Variants in CYP39A1 observed in about 807,000 individuals in gnomAD.
CYP39A1 encodes the protein 24-hydroxycholesterol 7-alpha-hydroxylase.
A neutral mutation model predicts 58.1 loss-of-function variants in CYP39A1; 49 were observed. The ratio of observed to expected loss-of-function variants is 0.84; its 90% CI spans 0.67 to 1.07. The LOEUF is 1.07. Among genes scored for constraint, CYP39A1 ranks in the 50% least tolerant of loss-of-function variants. The pLI is 0.00. For missense variants in CYP39A1, 531 were observed against 539.4 expected (o/e 0.98, Z 0.16); for synonymous variants, 209 against 187.6 (o/e 1.11, Z -0.93).
At chr6:46,586,436 G>C (rs545678797) in intron 10 of CYP39A1, 53 of 973,004 alleles carry the variant, frequency 5.4e-5, no homozygotes, top group Middle Eastern at 5.3e-4. Context: ...GTCTTCCTCA[G>C]TGCTCTCTGA....
intron 5 of CYP39A1, 107 bp downstream of exon 5, chr6:46,636,282 A>G: frequency 1.3e-6 from 1 of 752,840 alleles, no homozygotes. Context: ...AGTGGTTGAC[A>G]CAAAAATGGT....
intron 10 of CYP39A1, among the ~76,000 whole-genome samples, chr6:46,563,824 C>T (rs1457504256): frequency 6.6e-6 from 1 of 152,106 alleles, no homozygotes; most frequent in Admixed American, 6.6e-5. Context: ...CAAGTAGACG[C>T]TCTGGGGAGG....
At chr6:46,618,797 C>A (rs1368776316) in intron 7 of CYP39A1, among the ~76,000 whole-genome samples, 1 of 151,790 alleles carries the variant, frequency 6.6e-6, no homozygotes, top group Non-Finnish European at 1.5e-5. Flanking sequence ...GAAAACCTTC[C>A]TGGCTGGGGA....
At chr6:46,587,419 T>C (rs970048717) in intron 9 of CYP39A1, among the ~76,000 whole-genome samples, 2 of 152,138 alleles carry the variant, frequency 1.3e-5, no homozygotes, top group African/African-American at 4.8e-5. Context: ...AACCACAGAA[T>C]TGACCTAAGA....
intron 7 of CYP39A1, among the ~76,000 whole-genome samples, chr6:46,616,072 C>T (rs1774526675): frequency 7.7e-6 from 1 of 129,764 alleles, no homozygotes; most frequent in Non-Finnish European, 1.6e-5. Flanking sequence ...TCTCTCTTTC[C>T]CTCCCTCCAT....
intron 11 of CYP39A1, among the ~76,000 whole-genome samples, chr6:46,552,232 G>A (rs1582276508): frequency 6.6e-6 from 1 of 152,088 alleles, no homozygotes. Flanking sequence ...GCAAAATTGT[G>A]ACATTCAACT....
chr6:46,569,046 T>G (rs1487784410), intron 10 of CYP39A1, among the ~76,000 whole-genome samples: 2 of 152,152 alleles, frequency 1.3e-5, no homozygotes, highest in African/African-American at 4.8e-5. Context: ...ATCTATGTCC[T>G]TAATTTCTAT....
intron 7 of CYP39A1, among the ~76,000 whole-genome samples, chr6:46,617,209 G>T (rs892900351): frequency 1.3e-5 from 2 of 152,038 alleles, no homozygotes; most frequent in South Asian, 2.1e-4. Context: ...CATATTTTTT[G>T]AATCAAAAAT....
intron 10 of CYP39A1, chr6:46,583,532 A>T (rs1772275684): frequency 2.0e-6 from 2 of 985,230 alleles, no homozygotes; most frequent in African/African-American, 3.5e-5. Flanking sequence ...TGCAAGCTAC[A>T]ATTTCTGAAG....
chr6:46,612,516 A>C (rs899484767), intron 7 of CYP39A1, among the ~76,000 whole-genome samples: 6 of 152,128 alleles, frequency 3.9e-5, no homozygotes, highest in African/African-American at 1.4e-4. Flanking sequence ...GATAAATGAG[A>C]AGTAGTTTGT....
intron 10 of CYP39A1, among the ~76,000 whole-genome samples, chr6:46,567,864 T>C (rs746632540): frequency 1.3e-5 from 2 of 152,138 alleles, no homozygotes; most frequent in African/African-American, 2.4e-5. Flanking sequence ...AGTTCACTGG[T>C]GCTGGCAGCA....
At chr6:46,580,435 A>G (rs1561962081) in intron 10 of CYP39A1, among the ~76,000 whole-genome samples, 2 of 152,324 alleles carry the variant, frequency 1.3e-5, no homozygotes, top group East Asian at 1.9e-4. Flanking sequence ...CATTCTGGAC[A>G]TAGGCCTTGC....
At chr6:46,591,785 C>T (rs1772852684) in intron 8 of CYP39A1, among the ~76,000 whole-genome samples, 1 of 151,906 alleles carries the variant, frequency 6.6e-6, no homozygotes. Context: ...TAATTTCTTC[C>T]CTTTACATTG....
intron 10 of CYP39A1, among the ~76,000 whole-genome samples, chr6:46,572,655 C>T (rs544741784): frequency 1.3e-5 from 2 of 152,156 alleles, no homozygotes; most frequent in African/African-American, 2.4e-5. Context: ...CTCTTTGGGT[C>T]GAACATGTTT....
chr6:46,585,163 A>G (rs1772393038), intron 10 of CYP39A1, among the ~76,000 whole-genome samples: 1 of 152,128 alleles, frequency 6.6e-6, no homozygotes, highest in African/African-American at 2.4e-5. Context: ...GTCATCATGG[A>G]AGGTAGTAAT....
chr6:46,631,337 T>C (rs968541417), intron 5 of CYP39A1, among the ~76,000 whole-genome samples: 1 of 152,164 alleles, frequency 6.6e-6, no homozygotes, highest in African/African-American at 2.4e-5. Flanking sequence ...ACAAGCTACT[T>C]TAATCTCTCT....
At chr6:46,564,794 T>C (rs1260738084) in intron 10 of CYP39A1, among the ~76,000 whole-genome samples, 1 of 152,092 alleles carries the variant, frequency 6.6e-6, no homozygotes, top group East Asian at 1.9e-4. Flanking sequence ...GAGCAAGAGG[T>C]CTGAAGTATA....
At chr6:46,583,447 A>T (rs45555934) in intron 10 of CYP39A1, 85,934 of 983,818 alleles carry the variant, frequency 0.087, 3,964 homozygotes, top group Non-Finnish European at 0.095. Context: ...CACACTGAAA[A>T]CCCTCCGTCT....
chr6:46,642,155 T>C lies in CYP39A1; in HGVS notation c.313+8A>G. The C allele has an allele frequency of 6.2e-7, 1 of 1,612,486 alleles. No individual in the cohort carries two copies. The highest frequency in any genetic ancestry group is 8.5e-7 in the Non-Finnish European group (1 of 1,179,152). On this transcript the variant is annotated splice_region_variant and intron_variant, in intron 2 of 11. Coordinates refer to ENST00000275016, the MANE Select transcript of CYP39A1 (RefSeq NM_016593.5). ...ATTTCGAATGGACTATCTGAAAATA[T>C]TCTTTACCTGTACGATAAACGATAT...
Sources: gnomAD v4.1 joint callset for allele counts (sites outside exome capture counted in the v4.1 genomes callset) on GRCh38, gnomAD v4.1.1 for gene constraint, MANE v1.5 for transcripts, NCBI Gene and HGNC (gene_info 2026-07-23, HGNC 2026-07-21) for gene names.